Variants in GRIP1 observed in about 807,000 individuals in gnomAD.
GRIP1 encodes glutamate receptor interacting protein 1, also known as glutamate receptor-interacting protein 1.
In GRIP1, 45 loss-of-function variants were observed where a neutral mutation model predicts 129.9. The observed-to-expected ratio is 0.35, with a 90% CI of 0.27 to 0.44. The LOEUF (loss-of-function observed/expected upper bound fraction) is 0.44. Among genes scored for constraint, GRIP1 ranks in the 20% least tolerant of loss-of-function variants. The pLI, the probability that GRIP1 is intolerant of heterozygous loss-of-function variation, is 1.00. For synonymous variants in GRIP1, 530 were observed against 520.8 expected, an observed-to-expected ratio of 1.02 and a Z score of -0.24; for missense variants, 1,196 against 1,396.8, an observed-to-expected ratio of 0.86 and a Z score of 2.29.
At chr12:66,553,022 C>G (rs1309604847) in intron 2 of GRIP1, among the ~76,000 whole-genome samples, 1 of 152,176 alleles carries the variant, frequency 6.6e-6, no homozygotes, top group Non-Finnish European at 1.5e-5. Flanking sequence ...CTCTCACACC[C>G]TGTATTTGGC....
At chr12:67,006,892 A>G (rs1280412849) in intron 1 of GRIP1, among the ~76,000 whole-genome samples, 1 of 152,252 alleles carries the variant, frequency 6.6e-6, no homozygotes, top group African/African-American at 2.4e-5. Flanking sequence ...AGTTCTGATG[A>G]ATTCAGAGCT....
chr12:66,696,107 G>A (rs2035146290), intron 1 of GRIP1, among the ~76,000 whole-genome samples: 1 of 152,062 alleles, frequency 6.6e-6, no homozygotes, highest in African/African-American at 2.4e-5. Context: ...CTAATGATTA[G>A]CAAAATTACT....
chr12:66,455,688 A>G, intron 10 of GRIP1, 124 bp from the exon 11 acceptor site: 2 of 830,492 alleles, frequency 2.4e-6, no homozygotes, highest in East Asian at 5.2e-5. Flanking sequence ...GAAGGACCCC[A>G]GCCAGCTAGA....
At chr12:66,771,103 TAGAA>T (rs1407156791) in intron 1 of GRIP1, among the ~76,000 whole-genome samples, 3 of 151,302 alleles carry the variant, frequency 2.0e-5, no homozygotes, top group Middle Eastern at 3.2e-3. Flanking sequence ...AAAAGAAAGA[TAGAA>T]AGAAAAAAAA....
At chr12:67,037,673 A>C (rs956306061) in intron 1 of GRIP1, among the ~76,000 whole-genome samples, 1 of 152,204 alleles carries the variant, frequency 6.6e-6, no homozygotes, top group African/African-American at 2.4e-5. Context: ...ATATTAAAAA[A>C]GGACTAAATC....
At chr12:66,674,495 A>C (rs1777976212) in intron 1 of GRIP1, among the ~76,000 whole-genome samples, 1 of 152,228 alleles carries the variant, frequency 6.6e-6, no homozygotes, top group Non-Finnish European at 1.5e-5. Flanking sequence ...TGAGTTTCTA[A>C]ATAGAAGAAC....
chr12:66,986,176 C>A (rs1246902233), intron 1 of GRIP1, among the ~76,000 whole-genome samples: 1 of 152,110 alleles, frequency 6.6e-6, no homozygotes, highest in South Asian at 2.1e-4. Flanking sequence ...ATTCAGGAAA[C>A]GACAGGTGCT....
At chr12:66,473,544 T>C (rs1565777367) in intron 7 of GRIP1, among the ~76,000 whole-genome samples, 1 of 152,148 alleles carries the variant, frequency 6.6e-6, no homozygotes, top group African/African-American at 2.4e-5. Flanking sequence ...GGGAGACAAC[T>C]CCCAGCAGGG....
chr12:66,955,496 CTTTTTTGGTTT>C (rs2041825549), intron 1 of GRIP1, among the ~76,000 whole-genome samples: 1 of 137,950 alleles, frequency 7.2e-6, no homozygotes, highest in South Asian at 2.3e-4. Flanking sequence ...GTATATATTA[CTTTTTTGGTTT>C]TTTTTTTTTT....
At chr12:66,351,863 G>T (rs777490666) in intron 24 of GRIP1, among the ~76,000 whole-genome samples, 12 of 152,102 alleles carry the variant, frequency 7.9e-5, no homozygotes, top group Non-Finnish European at 1.2e-4. Flanking sequence ...TCCTAGAGTC[G>T]CTGGTTTAAT....
At chr12:66,914,181 G>GT (rs1362799738) in intron 1 of GRIP1, among the ~76,000 whole-genome samples, 1 of 152,110 alleles carries the variant, frequency 6.6e-6, no homozygotes, top group African/African-American at 2.4e-5. Flanking sequence ...GAAGGTAATT[G>GT]TTTTTAATTT....
intron 22 of GRIP1, chr12:66,372,207 T>C: frequency 1.9e-6 from 1 of 529,356 alleles, no homozygotes; most frequent in Admixed American, 3.1e-5. Flanking sequence ...CAAATTGAAA[T>C]GCTCTAACAT....
At chr12:66,542,481 T>C (rs1229178118) in intron 2 of GRIP1, among the ~76,000 whole-genome samples, 3 of 152,222 alleles carry the variant, frequency 2.0e-5, no homozygotes, top group Non-Finnish European at 4.4e-5. Context: ...CAAAGTATGA[T>C]GGCTTATGTA....
At chr12:66,911,544 A>G (rs572232399) in intron 1 of GRIP1, among the ~76,000 whole-genome samples, 2 of 152,108 alleles carry the variant, frequency 1.3e-5, no homozygotes, top group Non-Finnish European at 1.5e-5. Flanking sequence ...ATTTTGGGAG[A>G]GAGAAGGTTT....
chr12:66,616,760 A>C (rs76832171), intron 1 of GRIP1, among the ~76,000 whole-genome samples: 2 of 152,062 alleles, frequency 1.3e-5, no homozygotes, highest in Non-Finnish European at 2.9e-5. Context: ...CTGATAACTG[A>C]TGGGACCTCC....
chr12:66,695,260 T>C (rs1015542649), intron 1 of GRIP1, among the ~76,000 whole-genome samples: 8 of 145,518 alleles, frequency 5.5e-5, no homozygotes, highest in African/African-American at 1.6e-4. Flanking sequence ...TGACCCAGCA[T>C]GCAATCTAAC....
chr12:66,968,330 C>T (rs909964563), intron 1 of GRIP1, among the ~76,000 whole-genome samples: 15 of 152,174 alleles, frequency 9.9e-5, no homozygotes, highest in Middle Eastern at 3.4e-3. Flanking sequence ...TAACTTGATG[C>T]TTTATATTTA....
At chr12:66,915,386 C>T (rs778215269) in intron 1 of GRIP1, among the ~76,000 whole-genome samples, 2 of 152,182 alleles carry the variant, frequency 1.3e-5, no homozygotes, top group African/African-American at 4.8e-5. Flanking sequence ...AGACTGTAGG[C>T]TTCCCAGACA....
intron 1 of GRIP1, among the ~76,000 whole-genome samples, chr12:66,704,712 A>G (rs1309889339): frequency 6.6e-6 from 1 of 152,124 alleles, no homozygotes; most frequent in African/African-American, 2.4e-5. Flanking sequence ...TCTCTCACCC[A>G]TTAATTACAT....
Sources: allele counts gnomAD v4.1 joint callset (sites outside exome capture counted in the v4.1 genomes callset), GRCh38; gene constraint gnomAD v4.1.1; transcripts MANE v1.5; gene names NCBI Gene and HGNC (gene_info 2026-07-23, HGNC 2026-07-21).